GRID2: variants seen among roughly 807,000 people sequenced by gnomAD.
GRID2 encodes glutamate ionotropic receptor delta type subunit 2.
Under a neutral mutation model 114.8 loss-of-function variants are expected in GRID2, and 33 were observed. The ratio of observed to expected loss-of-function variants is 0.29; its 90% confidence interval spans 0.22 to 0.38. The LOEUF is 0.38. GRID2 is among the 10% of genes least tolerant of loss of function. The pLI, the probability that GRID2 is intolerant of heterozygous loss-of-function variation, is 1.00. For missense variants in GRID2, 1,184 were observed against 1,257.7 expected (o/e 0.94, Z 0.89); for synonymous variants, 505 against 449.9 (o/e 1.12, Z -1.55).
chr4:93,270,188 A>G (rs866253712), intron 8 of GRID2, among the ~76,000 whole-genome samples: 10 of 147,954 alleles, frequency 6.8e-5, no homozygotes, highest in Admixed American at 3.5e-4. Flanking sequence ...TAGGACTTCA[A>G]TATAATCTCT....
chr4:93,391,363 C>A (rs1415186381), intron 8 of GRID2, among the ~76,000 whole-genome samples: 1 of 152,122 alleles, frequency 6.6e-6, no homozygotes, highest in Non-Finnish European at 1.5e-5. Context: ...TTCTAAGTGG[C>A]TGGCTTTTAA....
chr4:93,496,450 A>G (rs1381248219), intron 12 of GRID2, among the ~76,000 whole-genome samples: 3 of 151,768 alleles, frequency 2.0e-5, no homozygotes, highest in East Asian at 1.9e-4. Flanking sequence ...GTAGACTCCT[A>G]TAATCACCAC....
At chr4:93,314,566 A>G (rs1756380447) in intron 8 of GRID2, among the ~76,000 whole-genome samples, 2 of 152,086 alleles carry the variant, frequency 1.3e-5, no homozygotes, top group Admixed American at 6.6e-5. Flanking sequence ...TAACTCTGTT[A>G]GCTCTTTCGT....
chr4:92,736,328 A>G (rs534269882), intron 2 of GRID2, among the ~76,000 whole-genome samples: 2 of 152,234 alleles, frequency 1.3e-5, no homozygotes, highest in South Asian at 4.1e-4. Context: ...CAGAAGAAAT[A>G]CAGCCCTAAA....
At chr4:93,226,408 A>C (rs1745488681) in intron 7 of GRID2, among the ~76,000 whole-genome samples, 1 of 152,214 alleles carries the variant, frequency 6.6e-6, no homozygotes, top group Non-Finnish European at 1.5e-5. Context: ...ATAGGCAAGA[A>C]AAGAACAATA....
intron 2 of GRID2, among the ~76,000 whole-genome samples, chr4:92,609,171 G>C (rs995659601): frequency 1.1e-4 from 16 of 151,632 alleles, no homozygotes; most frequent in Non-Finnish European, 1.8e-4. Context: ...TACATGCTTA[G>C]TGTATCCCCA....
intron 8 of GRID2, among the ~76,000 whole-genome samples, chr4:93,284,462 A>C (rs565774042): frequency 2.4e-4 from 37 of 152,022 alleles, no homozygotes; most frequent in African/African-American, 8.4e-4. Context: ...TATGATACAC[A>C]TTTACCTATG....
chr4:92,459,210 G>C (rs1463825104), intron 1 of GRID2, among the ~76,000 whole-genome samples: 1 of 152,086 alleles, frequency 6.6e-6, no homozygotes, highest in Non-Finnish European at 1.5e-5. Flanking sequence ...TGTGATGCAA[G>C]TATAAAAATG....
chr4:93,285,124 A>G (rs72874905), intron 8 of GRID2, among the ~76,000 whole-genome samples: 7,655 of 151,898 alleles, frequency 0.05, 645 homozygotes, highest in African/African-American at 0.17. Flanking sequence ...ATGTTATTTT[A>G]TATCCAATAG....
chr4:93,380,876 G>A (rs984378058), intron 8 of GRID2, among the ~76,000 whole-genome samples: 3 of 152,038 alleles, frequency 2.0e-5, no homozygotes, highest in Admixed American at 2.0e-4. Flanking sequence ...AGTGGGGATA[G>A]CTTACCTCTG....
At chr4:93,765,053 G>A (rs1176571430) in intron 14 of GRID2, among the ~76,000 whole-genome samples, 1 of 152,130 alleles carries the variant, frequency 6.6e-6, no homozygotes, top group East Asian at 1.9e-4. Context: ...GAAGATTGAA[G>A]GGAACATATC....
At chr4:93,779,888 C>T (rs147723490) in intron 1 of GRID2, among the ~76,000 whole-genome samples, 30 of 152,250 alleles carry the variant, frequency 2.0e-4, no homozygotes, top group African/African-American at 6.0e-4. Context: ...AGTGAGATTG[C>T]GGGATGCCTG....
At chr4:92,981,567 T>C (rs930827262) in intron 2 of GRID2, among the ~76,000 whole-genome samples, 1 of 152,054 alleles carries the variant, frequency 6.6e-6, no homozygotes, top group African/African-American at 2.4e-5. Flanking sequence ...TCTCTTTATA[T>C]TGTATCTTTA....
chr4:93,328,131 A>C (rs1321772017), intron 8 of GRID2, among the ~76,000 whole-genome samples: 1 of 56,478 alleles, frequency 1.8e-5, no homozygotes, highest in Non-Finnish European at 3.7e-5. Context: ...AACAAAAACA[A>C]AAAAAAAACA....
At chr4:92,341,890 G>T (rs1488227541) in intron 1 of GRID2, among the ~76,000 whole-genome samples, 5 of 150,640 alleles carry the variant, frequency 3.3e-5, no homozygotes, top group African/African-American at 1.2e-4. Flanking sequence ...ACTCCAGCCT[G>T]GGCGACAGCG....
At chr4:93,797,476 A>G (rs1734826293) in intron 1 of GRID2, among the ~76,000 whole-genome samples, 1 of 152,174 alleles carries the variant, frequency 6.6e-6, no homozygotes, top group Non-Finnish European at 1.5e-5. Flanking sequence ...TTGCCCTTGG[A>G]AAGATACAGA....
chr4:92,811,549 A>T (rs1740663120), intron 2 of GRID2, among the ~76,000 whole-genome samples: 1 of 152,116 alleles, frequency 6.6e-6, no homozygotes, highest in African/African-American at 2.4e-5. Flanking sequence ...AAATGATTCC[A>T]AATATCCTAG....
intron 1 of GRID2, among the ~76,000 whole-genome samples, chr4:92,311,047 C>T (rs768607454): frequency 2.6e-5 from 4 of 151,804 alleles, no homozygotes; most frequent in East Asian, 1.9e-4. Flanking sequence ...TTTTTGTTTT[C>T]GATTTTGTTT....
chr4:92,600,633 C>G lies in GRID2; in HGVS notation c.244+10347C>G, dbSNP rs542886053. ...TTGTTTTTCTTTTAAAGTCAGGCCC[C>G]TCTTCTGTAGGGCTGCTGTGGTTTG... is the stretch of plus-strand genomic sequence containing the variant. On this transcript the variant is annotated intron_variant, in intron 2 of 15. Coordinates refer to ENST00000282020, the MANE Select transcript of GRID2 (RefSeq NM_001510.4). Among the ~76,000 whole-genome samples, 20 of 152,260 alleles carry G rather than the reference C, an allele frequency of 1.3e-4. No individual in the cohort carries two copies. The South Asian group carries it at 3.9e-3, about 30-fold the overall frequency.
Sources: gnomAD v4.1 joint callset for allele counts (sites outside exome capture counted in the v4.1 genomes callset) on GRCh38, gnomAD v4.1.1 for gene constraint, MANE v1.5 for transcripts, NCBI Gene and HGNC (gene_info 2026-07-23, HGNC 2026-07-21) for gene names.